Variants in SCIN observed in about 807,000 individuals in gnomAD.
SCIN encodes the protein adseverin.
A neutral mutation model predicts 91.8 loss-of-function variants in SCIN; 91 were observed. The ratio of observed to expected loss-of-function variants is 0.99; its 90% CI spans 0.84 to 1.18. The LOEUF (loss-of-function observed/expected upper bound fraction) is 1.18, where lower values mean the gene tolerates loss of function less well. Ranked by LOEUF, SCIN falls within the 50% of genes most tolerant of loss-of-function variation. SCIN has a pLI of 0.00. For synonymous variants in SCIN, 367 were observed against 312.6 expected, an observed-to-expected ratio of 1.17 and a Z score of -1.84; for missense variants, 1,087 against 863.9, an observed-to-expected ratio of 1.26 and a Z score of -3.24.
At position 12,604,440 on chromosome 7, in the gene SCIN, A is replaced by T; in HGVS notation, c.517-74A>T. 3.7e-6 allele frequency: 5 copies of T among 1,333,816 alleles called. No homozygotes were observed. The South Asian group carries it at 4.2e-5, about 11-fold the overall frequency. The allele number at this position is 1,333,816 out of a possible 1,614,324, so 82.6% of individuals were successfully genotyped here. A position where few individuals can be genotyped will look rare whatever the true frequency, so the allele number is the denominator to read the frequency against. ...AATTTTCCTTTTTCTTTCCTAATTAATCACAAGTATTACACTGAGGCTGAA... is the reference window on the plus strand; with the variant it reads ...AATTTTCCTTTTTCTTTCCTAATTATTCACAAGTATTACACTGAGGCTGAA... On this transcript the variant is annotated intron_variant, in intron 3 of 15. Transcript: ENST00000297029.
At chr7:12,578,318 T>G in intron 2 of SCIN, 100 bp downstream of exon 2, 1 of 1,067,822 alleles carries the variant, frequency 9.4e-7, no homozygotes, top group Non-Finnish European at 1.3e-6. Flanking sequence ...GGCAGGGGTT[T>G]TTGTTTTATT....
intron 4 of SCIN, among the ~76,000 whole-genome samples, chr7:12,615,892 G>A (rs1183764466): frequency 6.6e-6 from 1 of 151,916 alleles, no homozygotes; most frequent in African/African-American, 2.4e-5. Context: ...ACAAAACTTG[G>A]CCAGATTGAA....
chr7:12,637,414 A>C (rs1264623351), intron 10 of SCIN, among the ~76,000 whole-genome samples: 1 of 152,164 alleles, frequency 6.6e-6, no homozygotes, highest in Non-Finnish European at 1.5e-5. Context: ...TCCAACACCC[A>C]AAAGTGAGGG....
At position 12,626,779 on chromosome 7, in the gene SCIN, G is replaced by C. The variant is rs568249403; in HGVS notation, c.1177G>C (p.Asp393His). Residue 393 changes from aspartate (D) to histidine (H), a missense_variant, in exon 8 of 16, where the codon GAT becomes CAT. Asp to His is a moderately conservative substitution (Grantham distance 81). Coordinates refer to ENST00000297029, the MANE Select transcript of SCIN (RefSeq NM_001112706.3). ...QMAAQHNMVD[D>H]GSGKVEIWRV... ...GGCAGCCCAGCACAATATGGTGGAT[G>C]ATGGTTCTGGCAAAGTGGAGGTATT... is the stretch of plus-strand genomic sequence containing the variant. 3 of 1,609,562 alleles carry C rather than the reference G, an allele frequency of 1.9e-6. No homozygotes were observed. Among genetic ancestry groups the C allele is most frequent in the East Asian group, 2.2e-5 (1 of 44,716 alleles).
Position 12,632,396 on chromosome 7 carries a change from G to C in SCIN, c.1319+3174G>C, listed in dbSNP as rs542003327. 5.3e-5 allele frequency among the ~76,000 whole-genome samples: 8 copies of C among 152,190 alleles called. No individual in the cohort carries two copies. In the South Asian group the frequency reaches 1.5e-3, roughly 28 times the overall value. On this transcript the variant is annotated intron_variant, in intron 9 of 15. Coordinates refer to ENST00000297029, the MANE Select transcript of SCIN (RefSeq NM_001112706.3). Reference sequence around the variant, plus strand: ...TCCACCTGCCTTGGCCTCCTAAAGTGTTGAGATTACAGGCATGAGCCACTG... The same window carrying C: ...TCCACCTGCCTTGGCCTCCTAAAGTCTTGAGATTACAGGCATGAGCCACTG...
intron 9 of SCIN, among the ~76,000 whole-genome samples, chr7:12,629,531 A>G (rs1329106069): frequency 6.6e-6 from 1 of 152,170 alleles, no homozygotes; most frequent in African/African-American, 2.4e-5. Context: ...TAACACTGCA[A>G]CAGCAAGTGT....
intron 4 of SCIN, among the ~76,000 whole-genome samples, chr7:12,605,503 A>G (rs1385114913): frequency 1.3e-5 from 2 of 152,186 alleles, no homozygotes; most frequent in Admixed American, 1.3e-4. Flanking sequence ...AAAATGATAT[A>G]TCTTGGGGAT....
rs1554298408 is a variant in SCIN, at chr7:12,657,572, A to ATATATATTTT, written c.*4858_*4859insATATATTTTT. The ATATATATTTT allele has an allele frequency of 1.4e-4, 3 of 22,078 alleles. No individual in the cohort carries two copies. The highest frequency in any genetic ancestry group is 4.0e-3 in the East Asian group (1 of 252). 1.4% of individuals were successfully genotyped at this position (22,078 alleles called of 1,614,324 possible). A position where few individuals can be genotyped will look rare whatever the true frequency, so the allele number is the denominator to read the frequency against. ...TATATATATATATATATATATATAT[A>ATATATATTTT]TTTTTTTTTTTTTTTTTTTTTTTTT... is the stretch of plus-strand genomic sequence containing the variant. On this transcript the variant is annotated 3_prime_UTR_variant, in exon 16 of 16. Transcript: ENST00000297029.
At chr7:12,571,384 G>C in intron 1 of SCIN, 5 of 337,828 alleles carry the variant, frequency 1.5e-5, no homozygotes, top group South Asian at 1.1e-4. Flanking sequence ...TGCTTTCCCT[G>C]TCGGGATGGA....
At position 12,625,226 on chromosome 7, in the gene SCIN, TA is replaced by T. The variant is rs1227785841; in HGVS notation, c.892+92del. The T allele has an allele frequency of 6.9e-5, 87 of 1,255,698 alleles. No homozygotes were observed. The East Asian group carries it at 1.2e-3, about 18-fold the overall frequency. 77.8% of individuals were successfully genotyped at this position (1,255,698 alleles called of 1,614,324 possible). A position where few individuals can be genotyped will look rare whatever the true frequency, so the allele number is the denominator to read the frequency against. On this transcript the variant is annotated intron_variant, in intron 6 of 15. Transcript: ENST00000297029. ...GTAAATAAAATATATTTTTTGATTT[TA>T]AAAAAAAGCCCACCTTTTAATTAAG...
chr7:12,610,529 A>C (rs1583297696), intron 4 of SCIN, among the ~76,000 whole-genome samples: 1 of 152,352 alleles, frequency 6.6e-6, no homozygotes, highest in Admixed American at 6.5e-5. Context: ...TATTTGGATA[A>C]TTAAGACAAT....
rs1035568845 is a variant in SCIN, at chr7:12,656,314, C to G, written c.*3599C>G. 2 of 152,136 alleles carry G rather than the reference C, an allele frequency of 1.3e-5. No individual in the cohort carries two copies. Among genetic ancestry groups the G allele is most frequent in the Non-Finnish European group, 2.9e-5 (2 of 68,042 alleles). 9.4% of individuals were successfully genotyped at this position (152,136 alleles called of 1,614,324 possible). On this transcript the variant is annotated 3_prime_UTR_variant, in exon 16 of 16. Coordinates refer to ENST00000297029, the MANE Select transcript of SCIN (RefSeq NM_001112706.3). ...CTGTTGTGTAGTGACACAAGCCCTT[C>G]TGCTGAAAAAGTAGGTAGATAATTA...
chr7:12,635,942 T>G, intron 9 of SCIN, 103 bp from the exon 10 acceptor site: 1 of 825,556 alleles, frequency 1.2e-6, no homozygotes, highest in East Asian at 2.7e-5. Context: ...ACAGTTCGCT[T>G]CTTCTTGATC....
At chr7:12,645,859 A>G (rs1458460861) in intron 13 of SCIN, among the ~76,000 whole-genome samples, 1 of 152,226 alleles carries the variant, frequency 6.6e-6, no homozygotes. Flanking sequence ...AGTACTAGCT[A>G]CTTTACACCT....
Position 12,571,410 on chromosome 7 carries a change from T to C in SCIN, c.199+425T>C, listed in dbSNP as rs1228159095. 8.5e-6 allele frequency: 3 copies of C among 352,120 alleles called. No individual in the cohort carries two copies. In the East Asian group the frequency reaches 2.3e-4, roughly 27 times the overall value. 21.8% of individuals were successfully genotyped at this position (352,120 alleles called of 1,614,324 possible). On this transcript the variant is annotated intron_variant, in intron 1 of 15. Transcript: ENST00000297029. ...TCGGGATGGAGAGGAAGTCATAAAGTCTGGGGGCATCTGCCGCCGCTAGGA... is the reference window on the plus strand; with the variant it reads ...TCGGGATGGAGAGGAAGTCATAAAGCCTGGGGGCATCTGCCGCCGCTAGGA...
rs746962546 is a variant in SCIN at position 12,644,150 on chromosome 7, G to A, written c.1594G>A (p.Ala532Thr). Reference sequence around the variant, plus strand: ...CTTCATATTCCAGGTTGATGTTGATGCAAATTCACTGAATTCTAACGATGT... The same window carrying A: ...CTTCATATTCCAGGTTGATGTTGATACAAATTCACTGAATTCTAACGATGT... ...ITRIVEVDVD[A>T]NSLNSNDVFV... The change falls in exon 12 of 16, where the codon GCA (alanine) becomes ACA (threonine). Residue 532 changes from alanine (A) to threonine (T), a missense_variant. Ala to Thr is a moderately conservative substitution (Grantham distance 58, BLOSUM62 0). Transcript: ENST00000297029. 3.7e-6 allele frequency: 6 copies of A among 1,612,150 alleles called. No individual in the cohort carries two copies. The highest frequency in any genetic ancestry group is 5.1e-6 in the Non-Finnish European group (6 of 1,178,916).
intron 4 of SCIN, among the ~76,000 whole-genome samples, chr7:12,612,751 C>G (rs1783221044): frequency 6.6e-6 from 1 of 152,100 alleles, no homozygotes. Context: ...TGTTCCTCAC[C>G]AATTCATCCA....
intron 4 of SCIN, among the ~76,000 whole-genome samples, chr7:12,610,498 C>T (rs1783168549): frequency 6.6e-6 from 1 of 152,210 alleles, no homozygotes; most frequent in African/African-American, 2.4e-5. Flanking sequence ...GCCCTCACAG[C>T]TCTAACTCAT....
intron 3 of SCIN, chr7:12,589,417 G>T (rs1270017037): frequency 6.6e-6 from 1 of 152,112 alleles, no homozygotes; most frequent in Non-Finnish European, 1.5e-5. Flanking sequence ...TAGAGACGGG[G>T]TTTCACCGTG....
Sources: allele counts gnomAD v4.1 joint callset (sites outside exome capture counted in the v4.1 genomes callset), GRCh38; gene constraint gnomAD v4.1.1; transcripts MANE v1.5; gene names NCBI Gene and HGNC (gene_info 2026-07-23, HGNC 2026-07-21).